The following MAF variants were observed in gnomAD, a reference collection of about 807,000 sequenced individuals.
MAF encodes the protein transcription factor Maf.
A neutral mutation model predicts 22.0 loss-of-function variants in MAF; 10 were observed. That is an observed-to-expected ratio of 0.45 (90% confidence interval 0.28 to 0.77). The LOEUF is 0.77. MAF is among the 30% of genes least tolerant of loss of function. The pLI is 0.12. For missense variants in MAF, 544 were observed against 548.4 expected (o/e 0.99, Z 0.08); for synonymous variants, 337 against 255.8 (o/e 1.32, Z -3.03).
downstream of MAF, among the ~76,000 whole-genome samples, chr16:79,583,982 T>G (rs2143682519): frequency 6.6e-6 from 1 of 152,306 alleles, no homozygotes; most frequent in South Asian, 2.1e-4. Context: ...CATGCCCTAA[T>G]GAAAAATGTT....
At chr16:79,351,432 G>A in the MAF span, among the ~76,000 whole-genome samples, 1 of 152,148 alleles carries the variant, frequency 6.6e-6, no homozygotes, top group African/African-American at 2.4e-5. Context: ...GCGGGAGAGA[G>A]GTTTTATTGT....
At chr16:79,440,377 G>A in the MAF span, among the ~76,000 whole-genome samples, 2 of 152,188 alleles carry the variant, frequency 1.3e-5, no homozygotes, top group East Asian at 1.9e-4. Context: ...AGGAAGTCCC[G>A]ACCAGGTGCA....
chr16:79,324,498 C>A, the MAF span, among the ~76,000 whole-genome samples: 1 of 152,152 alleles, frequency 6.6e-6, no homozygotes, highest in African/African-American at 2.4e-5. Context: ...ACCAATCCCC[C>A]ATGTGTACCA....
the MAF span, among the ~76,000 whole-genome samples, chr16:79,437,810 C>G: frequency 6.6e-6 from 1 of 152,328 alleles, no homozygotes; most frequent in South Asian, 2.1e-4. Flanking sequence ...TTTTCACTCC[C>G]TCACAACAGA....
rs1403763329 is a variant in MAF at position 79,599,960 on chromosome 16, G to A, written c.-58C>T. On this transcript the variant is annotated 5_prime_UTR_variant, in exon 1 of 2. Coordinates refer to ENST00000326043, the MANE Select transcript of MAF (RefSeq NM_005360.5). ...TCCGCCAGATGGGCTGCAGGAGAGG[G>A]GCCAGCGGGCTGTGCTGGGTGGCCA... 2 of 1,595,578 alleles carry A rather than the reference G, an allele frequency of 1.3e-6. No homozygotes were observed. Among genetic ancestry groups the A allele is most frequent in the East Asian group, 2.2e-5 (1 of 44,792 alleles).
At chr16:79,434,660 G>A in the MAF span, among the ~76,000 whole-genome samples, 1 of 151,438 alleles carries the variant, frequency 6.6e-6, no homozygotes. Flanking sequence ...TAAAGTAGAT[G>A]AGATACCATT....
the MAF span, among the ~76,000 whole-genome samples, chr16:79,222,244 A>G: frequency 6.6e-6 from 1 of 152,220 alleles, no homozygotes; most frequent in Non-Finnish European, 1.5e-5. Context: ...ACTGAGTTTC[A>G]TAAGCGAAGG....
At chr16:79,296,541 A>T in the MAF span, among the ~76,000 whole-genome samples, 16 of 152,194 alleles carry the variant, frequency 1.1e-4, no homozygotes, top group African/African-American at 2.9e-4. Flanking sequence ...ATTTTTTTTT[A>T]AAAGAAAAAA....
At chr16:79,311,587 C>G in the MAF span, among the ~76,000 whole-genome samples, 1 of 151,858 alleles carries the variant, frequency 6.6e-6, no homozygotes, top group African/African-American at 2.4e-5. Context: ...ATGAGGGGTG[C>G]TCAGCTGGAA....
At chr16:79,270,585 A>T in the MAF span, among the ~76,000 whole-genome samples, 1 of 152,186 alleles carries the variant, frequency 6.6e-6, no homozygotes, top group African/African-American at 2.4e-5. Context: ...TTGCTTAGGT[A>T]GGGCTGGCTT....
At chr16:79,398,409 C>G in the MAF span, among the ~76,000 whole-genome samples, 1 of 152,156 alleles carries the variant, frequency 6.6e-6, no homozygotes, top group Admixed American at 6.5e-5. Flanking sequence ...TTCATATTTG[C>G]ATACTCCTCA....
the MAF span, among the ~76,000 whole-genome samples, chr16:79,284,397 G>C: frequency 6.6e-6 from 1 of 152,162 alleles, no homozygotes; most frequent in Non-Finnish European, 1.5e-5. Context: ...GGGTTCCACT[G>C]GGTAATTACA....
the MAF span, among the ~76,000 whole-genome samples, chr16:79,308,831 G>C: frequency 0.031 from 4,645 of 152,172 alleles, 249 homozygotes; most frequent in African/African-American, 0.11. Context: ...CTGGAACCTG[G>C]GTCCTCTCCA....
chr16:79,244,983 A>T, the MAF span, among the ~76,000 whole-genome samples: 1 of 152,112 alleles, frequency 6.6e-6, no homozygotes, highest in Non-Finnish European at 1.5e-5. Flanking sequence ...TCCCTATTTG[A>T]TAAACGGTGT....
chr16:79,525,840 T>G, the MAF span, among the ~76,000 whole-genome samples: 2 of 151,992 alleles, frequency 1.3e-5, no homozygotes, highest in Non-Finnish European at 2.9e-5. Flanking sequence ...TCATGAAGAG[T>G]GCAATGTACC....
chr16:79,447,089 G>A, the MAF span, among the ~76,000 whole-genome samples: 2 of 151,654 alleles, frequency 1.3e-5, no homozygotes, highest in Non-Finnish European at 1.5e-5. Flanking sequence ...ATTATTTCAT[G>A]GAGACATACA....
chr16:79,530,351 T>G, the MAF span, among the ~76,000 whole-genome samples: 1 of 152,134 alleles, frequency 6.6e-6, no homozygotes, highest in African/African-American at 2.4e-5. Flanking sequence ...TCCCAACACA[T>G]CAGGGTCCCA....
the MAF span, among the ~76,000 whole-genome samples, chr16:79,531,874 CA>C: frequency 5.3e-5 from 8 of 152,024 alleles, no homozygotes; most frequent in African/African-American, 1.9e-4. Context: ...AAATAGGCAT[CA>C]GTGAGATCTA....
chr16:79,426,146 T>G, the MAF span, among the ~76,000 whole-genome samples: 2 of 151,742 alleles, frequency 1.3e-5, no homozygotes, highest in African/African-American at 4.8e-5. Flanking sequence ...GTGGAGGTTA[T>G]AGGGAGCCGA....
Sources: allele counts gnomAD v4.1 joint callset (sites outside exome capture counted in the v4.1 genomes callset), GRCh38; gene constraint gnomAD v4.1.1; transcripts MANE v1.5; gene names NCBI Gene and HGNC (gene_info 2026-07-23, HGNC 2026-07-21).